The following PDE11A variants were observed in gnomAD, a reference collection of about 807,000 sequenced individuals.
PDE11A encodes phosphodiesterase 11A, also known as dual 3',5'-cyclic-AMP and -GMP phosphodiesterase 11A.
In PDE11A, 100 loss-of-function variants were observed where a neutral mutation model predicts 100.5. The observed-to-expected ratio is 1.00, with a 90% confidence interval of 0.85 to 1.18. The LOEUF (loss-of-function observed/expected upper bound fraction) is 1.18, where lower values mean the gene tolerates loss of function less well. PDE11A is among the 50% of genes most tolerant of loss of function. The pLI is 0.00. For synonymous variants in PDE11A, 381 were observed against 420.8 expected (o/e 0.91, Z 1.16); for missense variants, 1,141 against 1,152.6 (o/e 0.99, Z 0.15).
chr2:178,027,759 T>C (rs1000678566), intron 1 of PDE11A, among the ~76,000 whole-genome samples: 6 of 152,178 alleles, frequency 3.9e-5, no homozygotes, highest in African/African-American at 7.2e-5. Flanking sequence ...ACTGTCAAGA[T>C]ACTATAATTG....
intron 5 of PDE11A, among the ~76,000 whole-genome samples, chr2:177,851,680 T>A (rs1390156303): frequency 6.6e-6 from 1 of 152,330 alleles, no homozygotes; most frequent in Admixed American, 6.5e-5. Context: ...ATGCACAAGC[T>A]TTGTATCCCA....
chr2:178,015,771 G>T (rs936110065), intron 1 of PDE11A, among the ~76,000 whole-genome samples: 8 of 152,098 alleles, frequency 5.3e-5, no homozygotes, highest in Non-Finnish European at 8.8e-5. Context: ...AGAAGGGAAG[G>T]AGAGAGGAAA....
rs373232856 is a variant in PDE11A, at chr2:177,959,406, A to C, written c.1072-54219T>G. 4.4e-4 allele frequency among the ~76,000 whole-genome samples: 67 copies of C among 152,312 alleles called. 2 individuals are homozygous for C. In the South Asian group the frequency reaches 0.011, roughly 25 times the overall value. On this transcript the variant is annotated intron_variant, in intron 2 of 19. Coordinates refer to ENST00000286063, the MANE Select transcript of PDE11A (RefSeq NM_016953.4). ...GTGCCATGATCTGATTTACAGTTTT[A>C]AAGTATCTCTCTGGCTACCCTAAAG...
intron 14 of PDE11A, 82 bp from the exon 15 acceptor site, chr2:177,697,514 GTCTGGGAACATTAAAAAAA>G: frequency 2.6e-6 from 2 of 756,832 alleles, no homozygotes; most frequent in East Asian, 2.6e-5. Context: ...TTAAAAAAAA[GTCTGGGAACATTAAAAAAA>G]TCACTTTTTA....
intron 2 of PDE11A, among the ~76,000 whole-genome samples, chr2:177,996,335 G>A (rs2086074360): frequency 6.6e-6 from 1 of 151,844 alleles, no homozygotes; most frequent in South Asian, 2.1e-4. Context: ...TGGCTACTGG[G>A]AGTAAAAACC....
At chr2:177,820,343 T>A (rs2083118279) in intron 6 of PDE11A, 48 bp from the exon 7 acceptor site, 4 of 1,026,280 alleles carry the variant, frequency 3.9e-6, no homozygotes, top group Admixed American at 1.8e-5. Context: ...TAACTATTCA[T>A]TTTTGATTTA....
intron 17 of PDE11A, among the ~76,000 whole-genome samples, chr2:177,674,390 T>G (rs950783340): frequency 3.3e-5 from 5 of 152,248 alleles, no homozygotes; most frequent in African/African-American, 1.2e-4. Context: ...AGGGATGTGC[T>G]CCCTCTGGAG....
intron 2 of PDE11A, among the ~76,000 whole-genome samples, chr2:177,952,490 C>G (rs2085516463): frequency 1.3e-5 from 2 of 152,160 alleles, no homozygotes; most frequent in Non-Finnish European, 2.9e-5. Context: ...GTCAATTCAT[C>G]CTATAGTAAC....
intron 2 of PDE11A, among the ~76,000 whole-genome samples, chr2:178,087,973 A>G (rs1255409495): frequency 6.6e-6 from 1 of 152,052 alleles, no homozygotes. Flanking sequence ...ATATTCGAAA[A>G]TGAGAGACCT....
At chr2:177,809,757 G>C (rs900712817) in intron 9 of PDE11A, among the ~76,000 whole-genome samples, 5 of 126,858 alleles carry the variant, frequency 3.9e-5, no homozygotes, top group African/African-American at 6.8e-5. Context: ...TTTAACATCT[G>C]TGTGTGCCAA....
intron 2 of PDE11A, among the ~76,000 whole-genome samples, chr2:178,093,569 C>A (rs1436689380): frequency 6.6e-6 from 1 of 152,136 alleles, no homozygotes; most frequent in African/African-American, 2.4e-5. Context: ...GAACTGCTAC[C>A]TTCACTTTTG....
intron 9 of PDE11A, among the ~76,000 whole-genome samples, chr2:177,779,935 C>A (rs969688852): frequency 6.6e-6 from 1 of 152,136 alleles, no homozygotes; most frequent in Non-Finnish European, 1.5e-5. Context: ...GCAGCTACAG[C>A]CTTACAAAAT....
At chr2:178,001,058 T>C (rs1162060149) in intron 2 of PDE11A, among the ~76,000 whole-genome samples, 2 of 152,128 alleles carry the variant, frequency 1.3e-5, no homozygotes, top group Non-Finnish European at 2.9e-5. Context: ...TTGCTCACAT[T>C]CAGTGTTCTC....
chr2:177,715,281 T>G (rs565687076), intron 12 of PDE11A, among the ~76,000 whole-genome samples: 1 of 152,216 alleles, frequency 6.6e-6, no homozygotes, highest in African/African-American at 2.4e-5. Flanking sequence ...CCATTCTCAA[T>G]CCTAATACTT....
intron 10 of PDE11A, among the ~76,000 whole-genome samples, chr2:177,753,664 A>T (rs16865752): frequency 6.6e-6 from 1 of 151,650 alleles, no homozygotes; most frequent in African/African-American, 2.4e-5. Context: ...CCTATATGGC[A>T]TGTTAGTCCT....
At chr2:177,871,930 T>A (rs182211554) in intron 5 of PDE11A, among the ~76,000 whole-genome samples, 38 of 152,326 alleles carry the variant, frequency 2.5e-4, no homozygotes, top group Admixed American at 2.4e-3. Context: ...AGGGTTCTTA[T>A]GTTACACTAC....
chr2:178,101,268 T>A (rs2087556179), intron 2 of PDE11A, among the ~76,000 whole-genome samples: 2 of 152,198 alleles, frequency 1.3e-5, no homozygotes. Flanking sequence ...AGTTGTATTA[T>A]AAAGGATACA....
intron 4 of PDE11A, among the ~76,000 whole-genome samples, chr2:177,894,218 G>A (rs1177940338): frequency 6.6e-6 from 1 of 152,112 alleles, no homozygotes; most frequent in African/African-American, 2.4e-5. Context: ...AGAAGCCTTT[G>A]GTGAGAAGTG....
intron 2 of PDE11A, among the ~76,000 whole-genome samples, chr2:178,095,336 C>A (rs111519080): frequency 9.9e-4 from 151 of 152,330 alleles, no homozygotes; most frequent in Non-Finnish European, 1.8e-3. Context: ...AGTCCGAAAT[C>A]CAGCACGGCA....
Sources: allele counts gnomAD v4.1 joint callset (sites outside exome capture counted in the v4.1 genomes callset), GRCh38; gene constraint gnomAD v4.1.1; transcripts MANE v1.5; gene names NCBI Gene and HGNC (gene_info 2026-07-23, HGNC 2026-07-21).